The following AEBP2 variants were observed in gnomAD, a reference collection of about 807,000 sequenced individuals.
The protein encoded by AEBP2 is AE binding protein 2, also known as zinc finger protein AEBP2.
In AEBP2, 10 loss-of-function variants were observed where a neutral mutation model predicts 50.8. The ratio of observed to expected loss-of-function variants is 0.20; its 90% CI spans 0.12 to 0.33. The LOEUF is 0.33. Among genes scored for constraint, AEBP2 ranks in the 10% least tolerant of loss-of-function variants. AEBP2 has a pLI of 1.00. For synonymous variants in AEBP2, 296 were observed against 261.3 expected, an observed-to-expected ratio of 1.13 and a Z score of -1.28; for missense variants, 570 against 688.0, an observed-to-expected ratio of 0.83 and a Z score of 1.92.
At chr12:19,499,244 G>A (rs972701734) in intron 4 of AEBP2, among the ~76,000 whole-genome samples, 7 of 152,132 alleles carry the variant, frequency 4.6e-5, no homozygotes, top group African/African-American at 1.4e-4. Flanking sequence ...ACTGATCGGC[G>A]TCCAAAAATT....
At position 19,440,006 on chromosome 12, in the gene AEBP2, G is replaced by A. The variant is rs760935165; in HGVS notation, c.307G>A (p.Asp103Asn). ...GGAGGACGAAGACGAGGAGGAGGAC[G>A]ACGAGGAGGAGGAAGATGAGAGCAG... The part of the protein sequence containing the change: ...AGEDEDEEED[D>N]EEEEDESSSS... Residue 103 changes from aspartate to asparagine, a missense_variant, in exon 1 of 8, where the codon GAC becomes AAC. By Grantham distance (23) the Asp-to-Asn change is conservative (BLOSUM62 1). Transcript: ENST00000266508. 6.6e-7 allele frequency: 1 copy of A among 1,525,520 alleles called. No homozygotes were observed. Among genetic ancestry groups the A allele is most frequent in the South Asian group, 1.2e-5 (1 of 83,626 alleles). 94.5% of individuals were successfully genotyped at this position (1,525,520 alleles called of 1,614,324 possible).
intron 1 of AEBP2, among the ~76,000 whole-genome samples, chr12:19,451,717 C>T (rs1210914790): frequency 2.0e-5 from 3 of 149,720 alleles, no homozygotes; most frequent in East Asian, 2.0e-4. Flanking sequence ...GACAAGGTCT[C>T]GCTTGCTGGG....
At position 19,520,239 on chromosome 12, in the gene AEBP2, G is replaced by A. The variant is rs1174436173; in HGVS notation, c.*2122G>A. ...AGCAAATCACATTTAGCTTCAAATT[G>A]TAACAATTCAATTGAATTTTAAAAT... is the stretch of plus-strand genomic sequence containing the variant. On this transcript the variant is annotated 3_prime_UTR_variant, in exon 8 of 8. Coordinates refer to ENST00000266508, the MANE Select transcript of AEBP2 (RefSeq NM_153207.5). 1 of 152,104 alleles carries A rather than the reference G, an allele frequency of 6.6e-6. No homozygotes were observed. The highest frequency in any genetic ancestry group is 1.5e-5 in the Non-Finnish European group (1 of 67,994). The allele number at this position is 152,104 out of a possible 1,614,324, so 9.4% of individuals were successfully genotyped here.
intron 3 of AEBP2, among the ~76,000 whole-genome samples, chr12:19,476,093 C>G (rs1055582260): frequency 2.0e-5 from 3 of 152,012 alleles, no homozygotes; most frequent in African/African-American, 7.2e-5. Flanking sequence ...TGTTGTTGTT[C>G]TTATTGCATT....
rs375960038 is a variant in AEBP2 at position 19,488,797 on chromosome 12, A to AT, written c.988-4993dup. Among the ~76,000 whole-genome samples, 96 of 149,298 alleles carry AT rather than the reference A, an allele frequency of 6.4e-4. 1 individual carries two copies. Among genetic ancestry groups the AT allele is most frequent in the Middle Eastern group, 3.4e-3 (1 of 290 alleles). On this transcript the variant is annotated intron_variant, in intron 3 of 7. Coordinates refer to ENST00000266508, the MANE Select transcript of AEBP2 (RefSeq NM_153207.5). The stretch of plus-strand genomic sequence containing the variant: ...AGAAAAGCTACTTGGCCACCAGCAT[A>AT]TTTTTTTTTTGTTATTTGAGATGGA...
At chr12:19,494,959 C>T (rs1050215446) in intron 4 of AEBP2, among the ~76,000 whole-genome samples, 2 of 151,796 alleles carry the variant, frequency 1.3e-5, no homozygotes, top group Non-Finnish European at 2.9e-5. Flanking sequence ...CAGGCTGGAG[C>T]GCAGTGGTGT....
rs1348953267 is a variant in AEBP2, at chr12:19,515,227, T to A, written c.1481+443T>A. On this transcript the variant is annotated intron_variant, in intron 7 of 7. Coordinates refer to ENST00000266508, the MANE Select transcript of AEBP2 (RefSeq NM_153207.5). ...TATTATTTGTTTTTTAAGACATAGC[T>A]TAGAGTGTTCACATTTCTAGTAATT... 3.3e-5 allele frequency among the ~76,000 whole-genome samples: 5 copies of A among 152,340 alleles called. No individual in the cohort carries two copies. The East Asian group carries it at 9.6e-4, about 29-fold the overall frequency.
chr12:19,473,896 G>C (rs1016759734), intron 3 of AEBP2, among the ~76,000 whole-genome samples: 1 of 152,152 alleles, frequency 6.6e-6, no homozygotes, highest in South Asian at 2.1e-4. Flanking sequence ...AAATGTTGCT[G>C]TTGGATTAGG....
intron 1 of AEBP2, among the ~76,000 whole-genome samples, chr12:19,423,670 G>A (rs542224563): frequency 6.6e-6 from 1 of 152,216 alleles, no homozygotes; most frequent in South Asian, 2.1e-4. Flanking sequence ...CATAGGCTGA[G>A]GTTAATGTAA....
intron 2 of AEBP2, among the ~76,000 whole-genome samples, chr12:19,472,884 G>A (rs932030525): frequency 4.5e-4 from 69 of 151,882 alleles, no homozygotes; most frequent in African/African-American, 1.6e-3. Context: ...AAGGTAAAAG[G>A]TGTATTTTTC....
intron 1 of AEBP2, among the ~76,000 whole-genome samples, chr12:19,461,534 G>A (rs1181413370): frequency 1.3e-5 from 2 of 151,770 alleles, no homozygotes; most frequent in Non-Finnish European, 2.9e-5. Flanking sequence ...TTTTTGAGAC[G>A]GAGTTTTGCT....
chr12:19,476,046 T>C (rs61912775), intron 3 of AEBP2, among the ~76,000 whole-genome samples: 9,599 of 152,258 alleles, frequency 0.063, 425 homozygotes, highest in South Asian at 0.2. Context: ...TCTTTTTATG[T>C]GCAGAAGCTT....
chr12:19,470,119 A>G (rs889774639), intron 2 of AEBP2, among the ~76,000 whole-genome samples: 1 of 152,018 alleles, frequency 6.6e-6, no homozygotes, highest in Admixed American at 6.6e-5. Context: ...GAAAGAAAAT[A>G]TAGCCTCGAA....
intron 1 of AEBP2, among the ~76,000 whole-genome samples, chr12:19,459,124 T>C (rs529486272): frequency 6.6e-6 from 1 of 152,356 alleles, no homozygotes; most frequent in African/African-American, 2.4e-5. Context: ...TAGTATAGTT[T>C]ATGTAAGTAT....
At chr12:19,466,450 C>CA (rs367938694) in intron 2 of AEBP2, among the ~76,000 whole-genome samples, 3,271 of 151,698 alleles carry the variant, frequency 0.022, 40 homozygotes, top group East Asian at 0.042. Flanking sequence ...GATCCTGTCT[C>CA]AAAAAAAAGA....
intron 1 of AEBP2, among the ~76,000 whole-genome samples, chr12:19,428,836 T>G (rs1267004493): frequency 3.4e-5 from 5 of 147,492 alleles, no homozygotes; most frequent in African/African-American, 1.0e-4. Context: ...GGAAAGAAAA[T>G]GTACTTTAAA....
chr12:19,503,820 C>G (rs1382712685), intron 5 of AEBP2, among the ~76,000 whole-genome samples: 2 of 152,034 alleles, frequency 1.3e-5, no homozygotes, highest in African/African-American at 4.8e-5. Context: ...CCACGCCCTA[C>G]TGATATCCTT....
chr12:19,517,157 T>C (rs556037184), intron 7 of AEBP2, among the ~76,000 whole-genome samples: 2 of 152,374 alleles, frequency 1.3e-5, no homozygotes, highest in African/African-American at 4.8e-5. Context: ...TGTCCTAGTG[T>C]ACAATCTTTT....
Position 19,462,519 on chromosome 12 carries a change from T to A in AEBP2, c.681T>A (p.Ser227Arg). 6.2e-7 allele frequency: 1 copy of A among 1,609,848 alleles called. No homozygotes were observed. The highest frequency in any genetic ancestry group is 8.5e-7 in the Non-Finnish European group (1 of 1,177,872). ...SRMDSEDSIS[S>R]TIMDVDSTIS... ...TTTTCTTCTTTTGTAGCATAAGCAG[T>A]ACTATAATGGATGTAGACAGCACAA... is the stretch of plus-strand genomic sequence containing the variant. Residue 227 changes from serine (S) to arginine (R), a missense_variant, in exon 2 of 8, where the codon AGT (serine) becomes AGA (arginine). Physicochemically the swap from Ser to Arg is moderately radical, Grantham distance 110. Around this residue, in one of 2 missense-constraint regions of AEBP2, gnomAD observed 184 missense variants for 351.2 expected, o/e 0.52. Coordinates refer to ENST00000266508, the MANE Select transcript of AEBP2 (RefSeq NM_153207.5).
Sources: allele counts gnomAD v4.1 joint callset (sites outside exome capture counted in the v4.1 genomes callset), GRCh38; gene constraint gnomAD v4.1.1; regional missense constraint gnomAD v4.1.1; transcripts MANE v1.5; gene names NCBI Gene and HGNC (gene_info 2026-07-23, HGNC 2026-07-21).